Variants in LONRF3 observed in about 807,000 individuals in gnomAD.
LONRF3 encodes the protein LON peptidase N-terminal domain and ring finger 3.
In LONRF3, 19 loss-of-function variants were observed where a neutral mutation model predicts 51.7. That is an observed-to-expected ratio of 0.37 (90% CI 0.26 to 0.54). The LOEUF (loss-of-function observed/expected upper bound fraction) is 0.54, where lower values mean the gene tolerates loss of function less well. Among genes scored for constraint, LONRF3 ranks in the 20% least tolerant of loss-of-function variants. LONRF3 has a pLI of 0.86. For synonymous variants in LONRF3, 265 were observed against 257.8 expected, an observed-to-expected ratio of 1.03 and a Z score of -0.27; for missense variants, 521 against 623.9, an observed-to-expected ratio of 0.84 and a Z score of 1.76.
chrX:119,008,947 T>C (rs774434698), intron 6 of LONRF3, among the ~76,000 whole-genome samples, 179 bp from the exon 7 acceptor site: 1 of 112,294 alleles, frequency 8.9e-6, no homozygotes, highest in South Asian at 3.7e-4. Context: ...TGTGTTTTTT[T>C]AAATGAAACT....
In LONRF3 at chrX:118,974,911, A is replaced by T. The variant is rs1459492379; in HGVS notation, c.131A>T (p.Glu44Val). ...DMGPHPKVAA[E>V]GPAPLPTREP... ...GGCCCCCACCCAAAGGTGGCTGCAG[A>T]GGGCCCCGCACCTCTACCGACGCGG... Residue 44 changes from glutamate (E) to valine (V), a missense_variant, in exon 1 of 11, where the codon GAG becomes GTG. Physicochemically the swap from Glu to Val is moderately radical, Grantham distance 121. This residue lies in a region of LONRF3 where 376 missense variants were observed against 376.7 expected (regional missense o/e 1.00). Coordinates refer to ENST00000371628, the MANE Select transcript of LONRF3 (RefSeq NM_001031855.3). The T allele has an allele frequency of 4.2e-6, 5 of 1,189,989 alleles. No homozygotes were observed. Among genetic ancestry groups the T allele is most frequent in the Non-Finnish European group, 5.6e-6 (5 of 885,104 alleles).
intron 5 of LONRF3, among the ~76,000 whole-genome samples, chrX:119,005,070 A>G (rs1318242969): frequency 8.9e-6 from 1 of 112,168 alleles, no homozygotes; most frequent in Admixed American, 9.4e-5. Context: ...TCTTCTACTC[A>G]GTCTGGCAGT....
At chrX:118,992,612 A>C (rs769630031) in intron 5 of LONRF3, among the ~76,000 whole-genome samples, 29 of 111,059 alleles carry the variant, frequency 2.6e-4, no homozygotes, top group African/African-American at 9.5e-4. Context: ...CAAAGGGCAT[A>C]TAATCTTGGG....
chrX:119,002,730 C>T (rs1924409830), intron 5 of LONRF3, among the ~76,000 whole-genome samples: 1 of 112,040 alleles, frequency 8.9e-6, no homozygotes, highest in South Asian at 3.7e-4. Context: ...CCTTCTCCTA[C>T]TCTGGCTTGC....
chrX:119,018,011 C>A lies in LONRF3; in HGVS notation c.*321C>A. The A allele has an allele frequency of 6.6e-6, 1 of 151,276 alleles. No homozygotes were observed. The highest frequency in any genetic ancestry group is 2.9e-4 in the South Asian group (1 of 3,463). The allele number at this position is 151,276 out of a possible 1,213,427, so 12.5% of individuals were successfully genotyped here. On this transcript the variant is annotated 3_prime_UTR_variant, in exon 11 of 11. Transcript: ENST00000371628. ...AAGTGGTTTTGCTTTAATATTCTTT[C>A]TTTCATAGATCAATGACTGTGTGGT...
intron 9 of LONRF3, among the ~76,000 whole-genome samples, chrX:119,013,487 A>G (rs1478737890): frequency 8.9e-6 from 1 of 112,216 alleles, no homozygotes; most frequent in Non-Finnish European, 1.9e-5. Flanking sequence ...GTCTCTGCCA[A>G]AGATTGCAAG....
intron 5 of LONRF3, among the ~76,000 whole-genome samples, chrX:119,003,864 G>T (rs1924506870): frequency 8.9e-6 from 1 of 112,345 alleles, no homozygotes; most frequent in African/African-American, 3.2e-5. Flanking sequence ...TCCTACAACT[G>T]TTGTTAGATT....
intron 2 of LONRF3, 41 bp downstream of exon 2, chrX:118,978,504 A>G: frequency 1.1e-6 from 1 of 943,595 alleles, no homozygotes; most frequent in Non-Finnish European, 1.5e-6. Context: ...GTTGTACTGT[A>G]GACAGGTATT....
At chrX:118,988,586 T>G (rs992281352) in intron 3 of LONRF3, among the ~76,000 whole-genome samples, 6 of 109,953 alleles carry the variant, frequency 5.5e-5, no homozygotes, top group African/African-American at 1.3e-4. Flanking sequence ...TGTCTGCCAG[T>G]TTTTTTTTGG....
chrX:119,004,438 C>T (rs1331099643), intron 5 of LONRF3, among the ~76,000 whole-genome samples: 2 of 112,437 alleles, frequency 1.8e-5, no homozygotes, highest in Admixed American at 9.4e-5. Context: ...TTGCTCCACA[C>T]GTAACTGATA....
At chrX:119,016,371 C>T (rs1252933959) in intron 10 of LONRF3, among the ~76,000 whole-genome samples, 2 of 76,838 alleles carry the variant, frequency 2.6e-5, no homozygotes, top group Non-Finnish European at 4.9e-5. Context: ...TTTTTTGAGA[C>T]GGAGTCTTGC....
Position 118,978,331 on chromosome X carries a change from T to A in LONRF3, c.818-14T>A. The A allele has an allele frequency of 1.7e-6, 2 of 1,143,214 alleles. No individual in the cohort carries two copies. Among genetic ancestry groups the A allele is most frequent in the Non-Finnish European group, 2.4e-6 (2 of 833,940 alleles). 94.2% of individuals were successfully genotyped at this position (1,143,214 alleles called of 1,213,427 possible). A position where few individuals can be genotyped will look rare whatever the true frequency, so the allele number is the denominator to read the frequency against. ...GGGGCCATTAATAAAGGTTTTTCTT[T>A]CTTATTTTGACAGCTCCAAATGACC... On this transcript the variant is annotated splice_polypyrimidine_tract_variant and intron_variant, in intron 1 of 10. Coordinates refer to ENST00000371628, the MANE Select transcript of LONRF3 (RefSeq NM_001031855.3).
At chrX:118,988,453 G>A (rs987024647) in intron 3 of LONRF3, among the ~76,000 whole-genome samples, 5 of 111,810 alleles carry the variant, frequency 4.5e-5, no homozygotes, top group Non-Finnish European at 7.5e-5. Flanking sequence ...GGAAAGTCAA[G>A]GTTGTAGTAT....
intron 6 of LONRF3, among the ~76,000 whole-genome samples, chrX:119,008,341 T>C (rs999641353): frequency 4.5e-5 from 5 of 112,020 alleles, no homozygotes; most frequent in Non-Finnish European, 9.4e-5. Flanking sequence ...GTAGTTTCCA[T>C]AGCAAGCAAT....
chrX:118,992,145 G>C (rs1176973118), intron 5 of LONRF3, among the ~76,000 whole-genome samples: 1 of 111,750 alleles, frequency 8.9e-6, no homozygotes, highest in Non-Finnish European at 1.9e-5. Flanking sequence ...GAGGGCTGTG[G>C]AGCTCCAGAT....
At chrX:118,982,989 C>A in intron 3 of LONRF3, 46 bp downstream of exon 3, 5 of 1,182,616 alleles carry the variant, frequency 4.2e-6, no homozygotes, top group Non-Finnish European at 5.7e-6. Context: ...GGACCCTCCC[C>A]TCTCTGTCTT....
intron 10 of LONRF3, among the ~76,000 whole-genome samples, chrX:119,015,515 G>T (rs1397931625): frequency 1.8e-5 from 2 of 111,711 alleles, no homozygotes; most frequent in Admixed American, 1.9e-4. Flanking sequence ...AGGGAGAAAG[G>T]CCAGTTAGTG....
intron 5 of LONRF3, among the ~76,000 whole-genome samples, chrX:118,995,038 T>C (rs1046686197): frequency 4.5e-5 from 5 of 112,230 alleles, no homozygotes; most frequent in Non-Finnish European, 3.8e-5. Flanking sequence ...AGAATACACA[T>C]TCTATTCAAC....
At position 118,989,644 on chromosome X, in the gene LONRF3, G is replaced by A. The variant is rs1471445600; in HGVS notation, c.1296G>A (p.Thr432=). Reference sequence around the variant, plus strand: ...GCCAGATTGAATCCCAAGAAGAAACGGGGATGCCTAATAAAGCCTCCAAGC... The same window carrying A: ...GCCAGATTGAATCCCAAGAAGAAACAGGGATGCCTAATAAAGCCTCCAAGC... ...KHCQIESQEE[T]GMPNKASKQD... Residue 432 remains threonine (T), a synonymous_variant, in exon 4 of 11, where the codon ACG becomes ACA. Transcript: ENST00000371628. 1 of 1,210,480 alleles carries A rather than the reference G, an allele frequency of 8.3e-7. No individual in the cohort carries two copies. The highest frequency in any genetic ancestry group is 2.2e-5 in the Admixed American group (1 of 45,955).
Sources: allele counts gnomAD v4.1 joint callset (sites outside exome capture counted in the v4.1 genomes callset), GRCh38; gene constraint gnomAD v4.1.1; regional missense constraint gnomAD v4.1.1; transcripts MANE v1.5; gene names NCBI Gene and HGNC (gene_info 2026-07-23, HGNC 2026-07-21).